Variants in ANK2 observed in about 807,000 individuals in gnomAD.
ANK2 encodes the protein ankyrin-2.
ANK2 carries 83 observed loss-of-function variants against 360.5 expected under a neutral mutation model. The observed-to-expected ratio is 0.23, with a 90% CI of 0.19 to 0.28. ANK2 has a LOEUF of 0.28. Ranked by LOEUF, ANK2 falls within the 10% of genes least tolerant of loss-of-function variation. The probability of loss-of-function intolerance (pLI) is 1.00; values close to 1 mark genes in which losing one functional copy is unlikely to be tolerated. For synonymous variants in ANK2, 1,740 were observed against 1,759.5 expected (o/e 0.99, Z 0.28); for missense variants, 4,201 against 4,795.7 (o/e 0.88, Z 3.66).
intron 14 of ANK2, among the ~76,000 whole-genome samples, chr4:113,273,338 A>G (rs928577340): frequency 1.8e-4 from 27 of 152,256 alleles, no homozygotes; most frequent in Non-Finnish European, 3.7e-4. Context: ...GTACATGAAG[A>G]AAGGTTTTCA....
the ANK2 span, among the ~76,000 whole-genome samples, chr4:112,810,147 ATATATATATATATTTTTT>A: frequency 8.0e-4 from 49 of 61,098 alleles, no homozygotes; most frequent in East Asian, 6.6e-3. Context: ...ATATATATAT[ATATATATATATATTTTTT>A]TTTTTTTTTT....
At chr4:112,999,000 G>A (rs910615277) in intron 2 of ANK2, among the ~76,000 whole-genome samples, 3 of 152,074 alleles carry the variant, frequency 2.0e-5, no homozygotes, top group African/African-American at 7.2e-5. Flanking sequence ...CTAAAATTTA[G>A]CAAGAATAAC....
chr4:112,782,162 A>AT, the ANK2 span, among the ~76,000 whole-genome samples: 5 of 152,112 alleles, frequency 3.3e-5, no homozygotes, highest in South Asian at 4.1e-4. Flanking sequence ...ATATTTTAAG[A>AT]TATATATTGA....
intron 1 of ANK2, among the ~76,000 whole-genome samples, chr4:113,123,156 T>C (rs1433756769): frequency 6.6e-6 from 1 of 152,010 alleles, no homozygotes; most frequent in Non-Finnish European, 1.5e-5. Flanking sequence ...ATGTAATTTT[T>C]TTCCTATTTT....
chr4:113,050,083 G>A (rs774829748), intron 1 of ANK2, among the ~76,000 whole-genome samples: 5 of 152,176 alleles, frequency 3.3e-5, no homozygotes, highest in Non-Finnish European at 7.4e-5. Context: ...ACTGAGGACC[G>A]TGGCCACTGA....
intron 1 of ANK2, among the ~76,000 whole-genome samples, chr4:112,822,267 A>G (rs1192380672): frequency 2.0e-5 from 3 of 149,840 alleles, no homozygotes; most frequent in Admixed American, 2.0e-4. Context: ...AAAAAACAAA[A>G]ATTAGCCGGG....
intron 9 of ANK2, 122 bp downstream of exon 9, chr4:113,242,331 GA>G (rs2040411083): frequency 2.3e-6 from 2 of 856,546 alleles, no homozygotes; most frequent in South Asian, 2.8e-5. Flanking sequence ...TGCTTTATTG[GA>G]ATTGATTTAA....
At chr4:113,113,259 C>A (rs546571997) in intron 1 of ANK2, among the ~76,000 whole-genome samples, 1 of 152,022 alleles carries the variant, frequency 6.6e-6, no homozygotes, top group Non-Finnish European at 1.5e-5. Context: ...CACTTAGCAC[C>A]CATACCACAT....
At chr4:113,305,338 T>C (rs958368777) in intron 23 of ANK2, among the ~76,000 whole-genome samples, 1 of 12,660 alleles carries the variant, frequency 7.9e-5, no homozygotes, top group African/African-American at 5.7e-4. Context: ...AGACTCCGTC[T>C]CAAAAAAAAA....
In ANK2 at chr4:113,317,702, A is replaced by G; in HGVS notation, c.2694-5A>G. On this transcript the variant is annotated splice_region_variant and splice_polypyrimidine_tract_variant and intron_variant, in intron 24 of 45. Transcript: ENST00000357077. ...ATATGCCATGGCCTCCTGCCAACCTACCAGCCTTCGATCCTTCAGTTCCGA... is the reference window on the plus strand; with the variant it reads ...ATATGCCATGGCCTCCTGCCAACCTGCCAGCCTTCGATCCTTCAGTTCCGA... 1 of 1,612,582 alleles carries G rather than the reference A, an allele frequency of 6.2e-7. No individual in the cohort carries two copies. Among genetic ancestry groups the G allele is most frequent in the Non-Finnish European group, 8.5e-7 (1 of 1,178,966 alleles).
chr4:113,142,141 T>C (rs774687428), intron 1 of ANK2, among the ~76,000 whole-genome samples: 6 of 152,228 alleles, frequency 3.9e-5, no homozygotes, highest in African/African-American at 7.2e-5. Context: ...CCTTGTCAGA[T>C]GTCCACAGAG....
At position 113,149,874 on chromosome 4, in the gene ANK2, CAAAAAAAAAA is replaced by C. The variant is rs34667216; in HGVS notation, c.85-24525_85-24516del. Among the ~76,000 whole-genome samples the C allele has an allele frequency of 5.8e-3, 182 of 31,406 alleles. 2 individuals carry two copies. The highest frequency in any genetic ancestry group is 0.021 in the African/African-American group (164 of 7,796). 20.6% of individuals were successfully genotyped at this position (31,406 alleles called of 152,430 possible). ...CTTGCGTGAGAGTGAGACCCTGCCT[CAAAAAAAAAA>C]AAAAAAAAAAAAAAAAGAAAGATTG... is the stretch of plus-strand genomic sequence containing the variant. On this transcript the variant is annotated intron_variant, in intron 1 of 45. Coordinates refer to ENST00000357077, the MANE Select transcript of ANK2 (RefSeq NM_001148.6).
intron 37 of ANK2, 43 bp from the exon 38 acceptor site, chr4:113,353,002 T>C: frequency 6.2e-7 from 1 of 1,600,916 alleles, no homozygotes; most frequent in Non-Finnish European, 8.5e-7. Context: ...AATATCTTTT[T>C]TGATTTCCAT....
chr4:113,230,995 TA>T (rs1469429668), intron 4 of ANK2, among the ~76,000 whole-genome samples: 1 of 151,864 alleles, frequency 6.6e-6, no homozygotes, highest in Non-Finnish European at 1.5e-5. Flanking sequence ...ATGTTCCATA[TA>T]AACCATGCTG....
the ANK2 span, chr4:112,788,916 A>G: frequency 4.6e-6 from 3 of 646,024 alleles, no homozygotes; most frequent in Non-Finnish European, 8.1e-6. Flanking sequence ...TTAATTATTA[A>G]TATTATATAC....
chr4:112,733,506 A>G, the ANK2 span, among the ~76,000 whole-genome samples: 1 of 152,202 alleles, frequency 6.6e-6, no homozygotes, highest in Non-Finnish European at 1.5e-5. Context: ...ATTTTTTAAT[A>G]GAAATTATGT....
At chr4:112,896,211 T>C (rs2081683027) in intron 1 of ANK2, among the ~76,000 whole-genome samples, 1 of 152,228 alleles carries the variant, frequency 6.6e-6, no homozygotes, top group Admixed American at 6.5e-5. Flanking sequence ...TGTTTGTACT[T>C]TGTTTTCCAG....
At chr4:112,943,673 G>A (rs930015502) in intron 2 of ANK2, among the ~76,000 whole-genome samples, 4 of 152,000 alleles carry the variant, frequency 2.6e-5, no homozygotes, top group African/African-American at 9.7e-5. Flanking sequence ...TACTACAGAT[G>A]TGTGTGTGAG....
intron 1 of ANK2, among the ~76,000 whole-genome samples, chr4:113,113,675 G>A (rs925035754): frequency 6.6e-6 from 1 of 152,154 alleles, no homozygotes; most frequent in African/African-American, 2.4e-5. Flanking sequence ...TATCTCTGCT[G>A]GAGGTTTGAT....
Sources: gnomAD v4.1 joint callset for allele counts (sites outside exome capture counted in the v4.1 genomes callset) on GRCh38, gnomAD v4.1.1 for gene constraint, MANE v1.5 for transcripts, NCBI Gene and HGNC (gene_info 2026-07-23, HGNC 2026-07-21) for gene names.